Variants in ALDH1A2 observed in about 807,000 individuals in gnomAD.
ALDH1A2 encodes retinal dehydrogenase 2.
In ALDH1A2, 27 loss-of-function variants were observed where a neutral mutation model predicts 60.3. The observed-to-expected ratio is 0.45, with a 90% CI of 0.33 to 0.62. The LOEUF (loss-of-function observed/expected upper bound fraction) is 0.62. Ranked by LOEUF, ALDH1A2 falls within the 20% of genes least tolerant of loss-of-function variation. The pLI, the probability that ALDH1A2 is intolerant of heterozygous loss-of-function variation, is 0.02. For missense variants in ALDH1A2, 581 were observed against 643.8 expected (o/e 0.90, Z 1.06); for synonymous variants, 289 against 232.4 (o/e 1.24, Z -2.21).
In ALDH1A2 at chr15:57,961,130, A is replaced by ATCTT. The variant is rs1893703290; in HGVS notation, c.1409+3_1409+6dup. On this transcript the variant is annotated splice_region_variant and intron_variant, in intron 11 of 12. Transcript: ENST00000249750. ...GGAATTTGTTACAAGACTGACTCTG[A>ATCTT]TCTTACCAAACAGTCCCAGCTTGCA... The ATCTT allele has an allele frequency of 6.8e-6, 11 of 1,613,836 alleles. No individual in the cohort carries two copies. In the South Asian group the frequency reaches 1.2e-4, roughly 18 times the overall value.
At chr15:57,972,778 C>A (rs1204893552) in intron 7 of ALDH1A2, among the ~76,000 whole-genome samples, 1 of 152,158 alleles carries the variant, frequency 6.6e-6, no homozygotes, top group East Asian at 1.9e-4. Flanking sequence ...GACATTCAAA[C>A]TGGTATTTTT....
chr15:58,014,087 A>G (rs552376807), intron 2 of ALDH1A2, 89 bp from the exon 3 acceptor site: 31 of 1,613,986 alleles, frequency 1.9e-5, no homozygotes, highest in South Asian at 5.5e-5. Flanking sequence ...AAGCATGAGC[A>G]TGTAGTGGTG....
In ALDH1A2 at chr15:57,959,327, T is replaced by G. The variant is rs190899862; in HGVS notation, c.1484+1443A>C. Among the ~76,000 whole-genome samples, 5 of 151,788 alleles carry G rather than the reference T, an allele frequency of 3.3e-5. No individual in the cohort carries two copies. The East Asian group carries it at 7.8e-4, about 24-fold the overall frequency. On this transcript the variant is annotated intron_variant, in intron 12 of 12. Coordinates refer to ENST00000249750, the MANE Select transcript of ALDH1A2 (RefSeq NM_003888.4). Reference sequence around the variant, plus strand: ...CATCTTGAAAAGTGGAAGCAGAAGGTGAAGGTCAAAAGCAAATGAAGACAT... The same window carrying G: ...CATCTTGAAAAGTGGAAGCAGAAGGGGAAGGTCAAAAGCAAATGAAGACAT...
intron 1 of ALDH1A2, among the ~76,000 whole-genome samples, chr15:58,040,838 C>G (rs1780587008): frequency 6.6e-6 from 1 of 151,898 alleles, no homozygotes; most frequent in Non-Finnish European, 1.5e-5. Context: ...CACATATTAA[C>G]TCATTTAATC....
intron 1 of ALDH1A2, among the ~76,000 whole-genome samples, chr15:58,029,127 C>T (rs1422288055): frequency 1.3e-5 from 2 of 152,106 alleles, no homozygotes; most frequent in African/African-American, 4.8e-5. Flanking sequence ...TACTCTAAAA[C>T]TGACCACATA....
chr15:57,955,975 T>C (rs115018708), intron 12 of ALDH1A2, among the ~76,000 whole-genome samples: 2,039 of 152,292 alleles, frequency 0.013, 50 homozygotes, highest in African/African-American at 0.046. Flanking sequence ...CAGTGATGCT[T>C]TTCCCAACAG....
chr15:58,011,509 T>C (rs34886150), intron 3 of ALDH1A2, among the ~76,000 whole-genome samples: 6,271 of 152,316 alleles, frequency 0.041, 254 homozygotes, highest in Non-Finnish European at 0.053. Flanking sequence ...GAAGAGTATT[T>C]TGACTTGAGA....
intron 4 of ALDH1A2, among the ~76,000 whole-genome samples, chr15:57,995,746 C>T (rs74017098): frequency 1.4e-3 from 214 of 152,166 alleles, no homozygotes; most frequent in African/African-American, 4.9e-3. Flanking sequence ...TCCAAAGCGT[C>T]TGCCCCCAAA....
rs575543910 is a variant in ALDH1A2 at position 57,955,280 on chromosome 15, G to A, written c.1485-11C>T. 1 of 1,613,998 alleles carries A rather than the reference G, an allele frequency of 6.2e-7. No individual in the cohort carries two copies. Among genetic ancestry groups the A allele is most frequent in the East Asian group, 2.2e-5 (1 of 44,860 alleles). ...AAGCCAAATTCTCCCCTGAAACACA[G>A]AAATGGGCCGGGTCAGATACCAGAA... On this transcript the variant is annotated splice_polypyrimidine_tract_variant and intron_variant, in intron 12 of 12. Transcript: ENST00000249750.
chr15:58,047,782 A>G (rs1420499009), intron 1 of ALDH1A2, among the ~76,000 whole-genome samples: 5 of 152,014 alleles, frequency 3.3e-5, no homozygotes, highest in Admixed American at 6.6e-5. Flanking sequence ...GTTGACTTCC[A>G]TTATTCATTC....
At chr15:57,958,938 G>GACAAGTAGAGAGAAAT (rs1232434314) in intron 12 of ALDH1A2, among the ~76,000 whole-genome samples, 3 of 152,148 alleles carry the variant, frequency 2.0e-5, no homozygotes, top group African/African-American at 7.2e-5. Context: ...GGGCCTGGAA[G>GACAAGTAGAGAGAAAT]ACAAGTAGAG....
chr15:58,047,073 CAT>C (rs1491097699), intron 1 of ALDH1A2, among the ~76,000 whole-genome samples: 1 of 151,906 alleles, frequency 6.6e-6, no homozygotes, highest in Non-Finnish European at 1.5e-5. Context: ...GCAAAATGGC[CAT>C]AACTATATAG....
At chr15:57,976,205 G>A (rs1341934151) in intron 7 of ALDH1A2, among the ~76,000 whole-genome samples, 4 of 152,194 alleles carry the variant, frequency 2.6e-5, no homozygotes, top group Admixed American at 2.6e-4. Flanking sequence ...AACTCAGTTT[G>A]AAGGAGTGGC....
chr15:58,036,416 A>G (rs1896379846), intron 1 of ALDH1A2, among the ~76,000 whole-genome samples: 1 of 151,706 alleles, frequency 6.6e-6, no homozygotes, highest in Non-Finnish European at 1.5e-5. Flanking sequence ...TTTAAAATAC[A>G]TAAATTTAAA....
chr15:58,024,011 T>C (rs1469729942), intron 1 of ALDH1A2, among the ~76,000 whole-genome samples: 5 of 152,180 alleles, frequency 3.3e-5, no homozygotes, highest in African/African-American at 1.2e-4. Flanking sequence ...GAGAATCGCT[T>C]GAACCTGGGA....
intron 7 of ALDH1A2, among the ~76,000 whole-genome samples, chr15:57,984,735 A>T (rs1198289624): frequency 5.9e-5 from 9 of 152,200 alleles, no homozygotes; most frequent in Admixed American, 5.2e-4. Context: ...GTATGGATAG[A>T]CCACTTTTTG....
Position 57,965,714 on chromosome 15 carries a change from A to G in ALDH1A2, c.901+11T>C. On this transcript the variant is annotated intron_variant, in intron 8 of 12. Coordinates refer to ENST00000249750, the MANE Select transcript of ALDH1A2 (RefSeq NM_003888.4). The stretch of plus-strand genomic sequence containing the variant: ...GTGGTGGTTCATGTATGGGACCTGT[A>G]GTTGACTTACAGTCAGCATCAGCAA... The G allele has an allele frequency of 6.3e-7, 1 of 1,577,682 alleles. No individual in the cohort carries two copies. Among genetic ancestry groups the G allele is most frequent in the Non-Finnish European group, 8.7e-7 (1 of 1,146,682 alleles).
In ALDH1A2 at chr15:57,954,658, T is replaced by TA. The variant is rs568256811; in HGVS notation, c.*538_*539insT. 4.4e-5 allele frequency: 8 copies of TA among 181,616 alleles called. No individual in the cohort carries two copies. The South Asian group carries it at 9.9e-4, about 22-fold the overall frequency. 11.3% of individuals were successfully genotyped at this position (181,616 alleles called of 1,614,324 possible). A position where few individuals can be genotyped will look rare whatever the true frequency, so the allele number is the denominator to read the frequency against. Reference sequence around the variant, plus strand: ...CTGGTCTGACTCTAGCTAAAACCATTTCATGTTTTGCTTTGAAGAAATGGA... The same window carrying TA: ...CTGGTCTGACTCTAGCTAAAACCATTATCATGTTTTGCTTTGAAGAAATGGA... On this transcript the variant is annotated 3_prime_UTR_variant, in exon 13 of 13. Coordinates refer to ENST00000249750, the MANE Select transcript of ALDH1A2 (RefSeq NM_003888.4).
intron 7 of ALDH1A2, chr15:57,990,731 C>G (rs1894866588): frequency 6.6e-6 from 1 of 151,960 alleles, no homozygotes; most frequent in South Asian, 2.1e-4. Flanking sequence ...CGAAAATTAG[C>G]CGGGCATGGT....
Sources: allele counts gnomAD v4.1 joint callset (sites outside exome capture counted in the v4.1 genomes callset), GRCh38; gene constraint gnomAD v4.1.1; transcripts MANE v1.5; gene names NCBI Gene and HGNC (gene_info 2026-07-23, HGNC 2026-07-21).